The following TLN2 variants were observed in gnomAD, a reference collection of about 807,000 sequenced individuals.
TLN2 encodes talin-2.
Under a neutral mutation model 294.7 loss-of-function variants are expected in TLN2, and 118 were observed. The ratio of observed to expected loss-of-function variants is 0.40; its 90% CI spans 0.34 to 0.47. The LOEUF (loss-of-function observed/expected upper bound fraction) is 0.47. Among genes scored for constraint, TLN2 ranks in the 20% least tolerant of loss-of-function variants. The probability of loss-of-function intolerance (pLI) is 0.84; values close to 1 mark genes in which losing one functional copy is unlikely to be tolerated. For missense variants in TLN2, 3,083 were observed against 3,282.2 expected, an observed-to-expected ratio of 0.94 and a Z score of 1.48; for synonymous variants, 1,431 against 1,304.5, an observed-to-expected ratio of 1.10 and a Z score of -2.09.
chr15:62,579,750 A>G (rs1019353553), intron 1 of TLN2, among the ~76,000 whole-genome samples: 2 of 152,156 alleles, frequency 1.3e-5, no homozygotes, highest in Admixed American at 6.5e-5. Context: ...GGTGAGATTC[A>G]CCACTTGAGG....
At chr15:62,408,706 G>A (rs1282345143) in intron 1 of TLN2, among the ~76,000 whole-genome samples, 1 of 152,168 alleles carries the variant, frequency 6.6e-6, no homozygotes, top group Non-Finnish European at 1.5e-5. Flanking sequence ...ACCACCATCA[G>A]TATTACCTGT....
At chr15:62,544,887 G>A (rs987131786) in intron 1 of TLN2, among the ~76,000 whole-genome samples, 1 of 151,810 alleles carries the variant, frequency 6.6e-6, no homozygotes, top group Non-Finnish European at 1.5e-5. Flanking sequence ...CATTGATTGT[G>A]TTAATAACCC....
intron 4 of TLN2, 77 bp from the exon 5 acceptor site, chr15:62,650,007 G>A: frequency 7.0e-7 from 1 of 1,423,154 alleles, no homozygotes; most frequent in Non-Finnish European, 9.9e-7. Context: ...TGCTGAGTCA[G>A]CAGGCTCAGG....
rs1448570113 is a variant in TLN2 at position 62,835,743 on chromosome 15, T to G, written c.7135T>G (p.Ser2379Ala). 6.2e-7 allele frequency: 1 copy of G among 1,614,008 alleles called. No homozygotes were observed. Among genetic ancestry groups the G allele is most frequent in the Admixed American group, 1.7e-5 (1 of 60,012 alleles). ...TCTCGACTCTACTCTCTAGGTGGGC[T>G]CCATCCCTGCCAATGCTGCAGACGA... ...RELVAQGKVG[S>A]IPANAADDGQ... The change falls in exon 56 of 59, where the codon TCC (serine) becomes GCC (alanine). Residue 2379 changes from serine to alanine, a missense_variant. Ser to Ala is a moderately conservative substitution (Grantham distance 99, BLOSUM62 1). Coordinates refer to ENST00000636159, the MANE Select transcript of TLN2 (RefSeq NM_015059.3).
At chr15:62,816,752 G>A (rs2067148846) in intron 52 of TLN2, among the ~76,000 whole-genome samples, 1 of 152,130 alleles carries the variant, frequency 6.6e-6, no homozygotes, top group Non-Finnish European at 1.5e-5. Flanking sequence ...TGCTGTGTTG[G>A]CCACTTTAGA....
chr15:62,602,249 T>C (rs2047065372), intron 2 of TLN2, among the ~76,000 whole-genome samples: 2 of 152,200 alleles, frequency 1.3e-5, no homozygotes, highest in South Asian at 4.1e-4. Context: ...CTCTGTTCTT[T>C]CATCTGTGCC....
chr15:62,599,159 C>T (rs931752739), intron 2 of TLN2, among the ~76,000 whole-genome samples: 1 of 152,148 alleles, frequency 6.6e-6, no homozygotes, highest in Non-Finnish European at 1.5e-5. Context: ...TGCCCCCAAA[C>T]AGGTATTGAA....
At chr15:62,460,328 T>C (rs1001403914) in intron 1 of TLN2, among the ~76,000 whole-genome samples, 1 of 151,306 alleles carries the variant, frequency 6.6e-6, no homozygotes, top group Admixed American at 6.6e-5. Context: ...TGCAATGGCA[T>C]GATCTCAGCT....
chr15:62,461,403 A>G (rs569068909), intron 1 of TLN2, among the ~76,000 whole-genome samples: 1 of 152,292 alleles, frequency 6.6e-6, no homozygotes, highest in African/African-American at 2.4e-5. Flanking sequence ...CATTTTGTTC[A>G]TATTACGTAC....
intron 11 of TLN2, among the ~76,000 whole-genome samples, chr15:62,679,604 GA>G (rs2056610974): frequency 6.6e-6 from 1 of 152,234 alleles, no homozygotes; most frequent in Non-Finnish European, 1.5e-5. Flanking sequence ...GGTTGCTTAA[GA>G]GTTTGGTGTG....
At chr15:62,612,184 C>T (rs1448145827) in intron 2 of TLN2, among the ~76,000 whole-genome samples, 5 of 152,200 alleles carry the variant, frequency 3.3e-5, no homozygotes, top group Admixed American at 3.3e-4. Context: ...TCGTCCTTCA[C>T]TCTACGATCC....
rs188901315 is a variant in TLN2, at chr15:62,622,938, C to T, written c.-37+4463C>T. ...CCCAGACCAATTGCTCAGAGCCCAT[C>T]GATGTTGCCCATCATCTGTCTGTGT... On this transcript the variant is annotated intron_variant, in intron 3 of 58. Coordinates refer to ENST00000636159, the MANE Select transcript of TLN2 (RefSeq NM_015059.3). 2.6e-5 allele frequency among the ~76,000 whole-genome samples: 4 copies of T among 152,338 alleles called. No individual in the cohort carries two copies. The East Asian group carries it at 7.7e-4, about 29-fold the overall frequency.
intron 1 of TLN2, among the ~76,000 whole-genome samples, chr15:62,452,010 G>A (rs1162927601): frequency 6.6e-6 from 1 of 152,154 alleles, no homozygotes; most frequent in African/African-American, 2.4e-5. Context: ...GATTGTAACT[G>A]CAGAGACCAT....
chr15:62,399,284 A>AT (rs2032831696), intron 1 of TLN2, among the ~76,000 whole-genome samples: 1 of 150,882 alleles, frequency 6.6e-6, no homozygotes, highest in Non-Finnish European at 1.5e-5. Flanking sequence ...AAAAAAAAAA[A>AT]AGTAAGAAAT....
chr15:62,569,582 A>G (rs1252553040), intron 1 of TLN2, among the ~76,000 whole-genome samples: 2 of 152,348 alleles, frequency 1.3e-5, no homozygotes, highest in East Asian at 1.9e-4. Flanking sequence ...CAGCTCATGC[A>G]TGAGGTTGGT....
chr15:62,766,493 C>A, intron 41 of TLN2, 71 bp downstream of exon 41: 1 of 1,428,686 alleles, frequency 7.0e-7, no homozygotes, highest in Non-Finnish European at 9.7e-7. Context: ...ATTGACTTTA[C>A]TGTTATCATT....
chr15:62,490,816 C>A (rs1446941262), intron 1 of TLN2, among the ~76,000 whole-genome samples: 1 of 152,036 alleles, frequency 6.6e-6, no homozygotes, highest in Non-Finnish European at 1.5e-5. Flanking sequence ...AAATAATTTC[C>A]AGGTTCCAGC....
At chr15:62,607,652 T>A (rs916185340) in intron 2 of TLN2, among the ~76,000 whole-genome samples, 2 of 152,146 alleles carry the variant, frequency 1.3e-5, no homozygotes, top group Non-Finnish European at 2.9e-5. Flanking sequence ...CCCTTTTGGT[T>A]TTTAGCTGTG....
intron 2 of TLN2, among the ~76,000 whole-genome samples, chr15:62,612,190 G>A (rs149826887): frequency 1.4e-4 from 21 of 152,222 alleles, no homozygotes; most frequent in Non-Finnish European, 1.9e-4. Context: ...TTCACTCTAC[G>A]ATCCTTCTAC....
Sources: gnomAD v4.1 joint callset for allele counts (sites outside exome capture counted in the v4.1 genomes callset) on GRCh38, gnomAD v4.1.1 for gene constraint, MANE v1.5 for transcripts, NCBI Gene and HGNC (gene_info 2026-07-23, HGNC 2026-07-21) for gene names.